Variants in TRIM16 observed in about 807,000 individuals in gnomAD.
The protein encoded by TRIM16 is tripartite motif containing 16.
Under a neutral mutation model 50.4 loss-of-function variants are expected in TRIM16, and 33 were observed. The ratio of observed to expected loss-of-function variants is 0.65; its 90% CI spans 0.50 to 0.88. TRIM16 has a LOEUF of 0.88. Among genes scored for constraint, TRIM16 ranks in the 40% least tolerant of loss-of-function variants. TRIM16 has a pLI of 0.00. For synonymous variants in TRIM16, 229 were observed against 270.7 expected, an observed-to-expected ratio of 0.85 and a Z score of 1.51; for missense variants, 581 against 686.8, an observed-to-expected ratio of 0.85 and a Z score of 1.72.
chr17:15,648,785 G>A (rs1326987490), intron 7 of TRIM16, among the ~76,000 whole-genome samples: 1 of 152,170 alleles, frequency 6.6e-6, no homozygotes, highest in Non-Finnish European at 1.5e-5. Context: ...CTAAGATTTG[G>A]ACAAGCCACC....
At chr17:15,680,576 A>G (rs1337519554) in intron 4 of TRIM16, among the ~76,000 whole-genome samples, 1 of 151,888 alleles carries the variant, frequency 6.6e-6, no homozygotes, top group Non-Finnish European at 1.5e-5. Context: ...TCCTGCCCCT[A>G]CCATCCTTTC....
chr17:15,667,246 T>C (rs1259666767), intron 6 of TRIM16, among the ~76,000 whole-genome samples: 1 of 152,070 alleles, frequency 6.6e-6, no homozygotes, highest in Non-Finnish European at 1.5e-5. Context: ...GCAGGAGCAA[T>C]AGTGAGTAAA....
intron 7 of TRIM16, among the ~76,000 whole-genome samples, chr17:15,643,537 G>A (rs898205849): frequency 2.1e-5 from 3 of 146,052 alleles, no homozygotes; most frequent in Non-Finnish European, 3.0e-5. Context: ...ACATGTATTT[G>A]ATTGATGTCT....
chr17:15,668,054 G>A (rs1033824159), intron 6 of TRIM16, among the ~76,000 whole-genome samples: 5 of 151,996 alleles, frequency 3.3e-5, no homozygotes, highest in Admixed American at 6.6e-5. Flanking sequence ...CCATGTACTC[G>A]TGTACGCTCT....
intron 8 of TRIM16, among the ~76,000 whole-genome samples, chr17:15,642,297 A>T (rs894066161): frequency 6.7e-6 from 1 of 148,882 alleles, no homozygotes; most frequent in Non-Finnish European, 1.5e-5. Context: ...CTGAGTTCTC[A>T]ACTCCTTTTT....
At chr17:15,630,526 A>T (rs1175330983) in intron 11 of TRIM16, among the ~76,000 whole-genome samples, 4 of 152,244 alleles carry the variant, frequency 2.6e-5, no homozygotes, top group Non-Finnish European at 5.9e-5. Context: ...TCCCATAATT[A>T]AAAAAGTTCT....
chr17:15,634,459 GTC>G (rs1344099659), intron 9 of TRIM16, among the ~76,000 whole-genome samples: 2 of 146,016 alleles, frequency 1.4e-5, no homozygotes, highest in Admixed American at 1.4e-4. Context: ...GAGAAACCCC[GTC>G]TCTACTAAAA....
rs1293306011 is a variant in TRIM16, at chr17:15,629,194, C to A, written c.1116G>T (p.Ala372=). 1.2e-6 allele frequency: 2 copies of A among 1,606,600 alleles called. No individual in the cohort carries two copies. Among genetic ancestry groups the A allele is most frequent in the African/African-American group, 1.3e-5 (1 of 74,966 alleles). The part of the protein sequence containing the change: ...PSTREQFLQY[A]YDITFDPDTA... ...TGTCCGGGTCAAACGTGATGTCATA[C>A]GCATCTGAGGAGACACAGAAGGCAG... The change falls in exon 12 of 12, where the codon GCG becomes GCT. Residue 372 remains alanine, a synonymous_variant. Coordinates refer to ENST00000649191, the MANE Select transcript of TRIM16 (RefSeq NM_001348119.1).
chr17:15,652,293 A>G (rs964416496), intron 6 of TRIM16, among the ~76,000 whole-genome samples: 14 of 144,302 alleles, frequency 9.7e-5, no homozygotes, highest in Non-Finnish European at 3.0e-5. Flanking sequence ...GATTACAGGC[A>G]CCTGCCACCG....
At chr17:15,637,574 G>C (rs1986874479) in intron 8 of TRIM16, among the ~76,000 whole-genome samples, 1 of 149,264 alleles carries the variant, frequency 6.7e-6, no homozygotes, top group Non-Finnish European at 1.5e-5. Flanking sequence ...AGGGAGGTGG[G>C]GGGGTCAGCC....
At position 15,628,798 on chromosome 17, in the gene TRIM16, C is replaced by G. The variant is rs199746283; in HGVS notation, c.1512G>C (p.Gly504=). 93 of 1,614,058 alleles carry G rather than the reference C, an allele frequency of 5.8e-5. No homozygotes were observed. Among genetic ancestry groups the G allele is most frequent in the Non-Finnish European group, 7.6e-5 (90 of 1,180,048 alleles). ...ACTCTACGCCATAGAAGGAAAGGAT[C>G]CCTCCCGGGAAGTCGATATAGACCC... ...RLGVYIDFPG[G]ILSFYGVEYD... The change falls in exon 12 of 12, where the codon GGG becomes GGC. Residue 504 remains glycine (G), a synonymous_variant. Transcript: ENST00000649191.
At chr17:15,673,076 C>T (rs1320841908) in intron 6 of TRIM16, among the ~76,000 whole-genome samples, 3 of 152,184 alleles carry the variant, frequency 2.0e-5, no homozygotes, top group Non-Finnish European at 2.9e-5. Context: ...AAGATGAGGA[C>T]TCTGAAGGAA....
At chr17:15,665,280 C>CAA (rs1567686001) in intron 6 of TRIM16, among the ~76,000 whole-genome samples, 4 of 151,974 alleles carry the variant, frequency 2.6e-5, no homozygotes, top group East Asian at 1.9e-4. Flanking sequence ...TGGGAGGCTG[C>CAA]GGCGGGCAGA....
rs746835332 is a variant in TRIM16 at position 15,651,689 on chromosome 17, C to A, written c.-80G>T. The A allele has an allele frequency of 9.6e-6, 15 of 1,556,174 alleles. No individual in the cohort carries two copies. The highest frequency in any genetic ancestry group is 1.2e-5 in the Non-Finnish European group (14 of 1,153,602). ...TGCAGCCCAAGTCAGACAAGAGAAC[C>A]ACGCCTAGATGATTGCAGCTGCTGC... On this transcript the variant is annotated 5_prime_UTR_variant, in exon 7 of 12. Transcript: ENST00000649191.
At chr17:15,650,558 C>G (rs544274057) in intron 7 of TRIM16, among the ~76,000 whole-genome samples, 2 of 152,288 alleles carry the variant, frequency 1.3e-5, no homozygotes, top group Admixed American at 1.3e-4. Context: ...TCTCTGCTAT[C>G]TTAGCACTTT....
intron 6 of TRIM16, among the ~76,000 whole-genome samples, chr17:15,655,948 T>C (rs183078556): frequency 6.6e-6 from 1 of 152,332 alleles, no homozygotes; most frequent in East Asian, 1.9e-4. Flanking sequence ...GGTAAATCAA[T>C]TTCTAGTTTG....
rs753014178 is a variant in TRIM16, at chr17:15,628,819, G to C, written c.1491C>G (p.Val497=). The change falls in exon 12 of 12, where the codon GTC becomes GTG. Residue 497 remains valine (V), a synonymous_variant. Transcript: ENST00000649191. The part of the protein sequence containing the change: ...LKAGPFRRLG[V]YIDFPGGILS... ...GGATCCCTCCCGGGAAGTCGATATA[G>C]ACCCCGAGCCTCCGGAAAGGGCCAG... is the stretch of plus-strand genomic sequence containing the variant. The C allele has an allele frequency of 1.9e-6, 3 of 1,614,174 alleles. No homozygotes were observed. Among genetic ancestry groups the C allele is most frequent in the South Asian group, 2.2e-5 (2 of 91,082 alleles).
At chr17:15,661,277 A>G (rs1988226419) in intron 6 of TRIM16, among the ~76,000 whole-genome samples, 1 of 152,228 alleles carries the variant, frequency 6.6e-6, no homozygotes, top group African/African-American at 2.4e-5. Flanking sequence ...AATGCAAAGG[A>G]ACTTGTATGC....
At chr17:15,668,787 T>C (rs1006619571) in intron 6 of TRIM16, among the ~76,000 whole-genome samples, 5 of 152,134 alleles carry the variant, frequency 3.3e-5, no homozygotes, top group African/African-American at 1.2e-4. Context: ...CATATACGTA[T>C]ATATTTCAAC....
Sources: allele counts gnomAD v4.1 joint callset (sites outside exome capture counted in the v4.1 genomes callset), GRCh38; gene constraint gnomAD v4.1.1; transcripts MANE v1.5; gene names NCBI Gene and HGNC (gene_info 2026-07-23, HGNC 2026-07-21).